RSF1: variants seen among roughly 807,000 people sequenced by gnomAD.
RSF1 encodes HBV pX-associated protein 8.
Under a neutral mutation model 145.2 loss-of-function variants are expected in RSF1, and 13 were observed. That is an observed-to-expected ratio of 0.09 (90% CI 0.06 to 0.14). RSF1 has a LOEUF of 0.14. RSF1 is among the 10% of genes least tolerant of loss of function. The probability of loss-of-function intolerance (pLI) is 1.00; values close to 1 mark genes in which losing one functional copy is unlikely to be tolerated. For synonymous variants in RSF1, 577 were observed against 592.6 expected, an observed-to-expected ratio of 0.97 and a Z score of 0.38; for missense variants, 1,517 against 1,718.2, an observed-to-expected ratio of 0.88 and a Z score of 2.07.
At chr11:77,750,660 T>C (rs979762632) in intron 2 of RSF1, among the ~76,000 whole-genome samples, 4 of 152,184 alleles carry the variant, frequency 2.6e-5, no homozygotes, top group African/African-American at 9.7e-5. Flanking sequence ...CCTAATTACA[T>C]TGGTAATTCA....
intron 1 of RSF1, among the ~76,000 whole-genome samples, chr11:77,772,547 T>G (rs565957873): frequency 6.6e-6 from 1 of 152,190 alleles, no homozygotes; most frequent in African/African-American, 2.4e-5. Flanking sequence ...ACAACTATTA[T>G]ATTACTAAAA....
intron 9 of RSF1, among the ~76,000 whole-genome samples, chr11:77,690,698 G>A (rs1453263100): frequency 6.6e-6 from 1 of 152,166 alleles, no homozygotes; most frequent in Non-Finnish European, 1.5e-5. Context: ...GATTACAGGC[G>A]GGAGCCACCA....
chr11:77,662,256 G>A lies in RSF1; in HGVS notation c.*4661C>T, dbSNP rs185836062. ...CTTCACTAACTGAAACCATTATGATGTGCCAGAATTGGGTTTACTGAATTT... is the reference window on the plus strand; with the variant it reads ...CTTCACTAACTGAAACCATTATGATATGCCAGAATTGGGTTTACTGAATTT... On this transcript the variant is annotated 3_prime_UTR_variant, in exon 16 of 16. Coordinates refer to ENST00000308488, the MANE Select transcript of RSF1 (RefSeq NM_016578.4). 1.3e-5 allele frequency: 2 copies of A among 151,988 alleles called. No individual in the cohort carries two copies. The highest frequency in any genetic ancestry group is 1.3e-4 in the Admixed American group (2 of 15,240). 9.4% of individuals were successfully genotyped at this position (151,988 alleles called of 1,614,324 possible).
the RSF1 span, chr11:77,866,417 T>C: frequency 1.3e-5 from 2 of 152,220 alleles, no homozygotes; most frequent in African/African-American, 4.8e-5. Flanking sequence ...GAATTGCTAG[T>C]GGCAGGTTGA....
intron 11 of RSF1, among the ~76,000 whole-genome samples, chr11:77,679,368 A>G (rs1565145904): frequency 6.6e-6 from 1 of 152,238 alleles, no homozygotes; most frequent in Non-Finnish European, 1.5e-5. Flanking sequence ...AGTTCCATAA[A>G]TACTATTAAG....
intron 1 of RSF1, among the ~76,000 whole-genome samples, chr11:77,776,471 T>C (rs1948343743): frequency 6.6e-6 from 1 of 152,200 alleles, no homozygotes; most frequent in Non-Finnish European, 1.5e-5. Context: ...CAGAGGTACC[T>C]AGATGAGTAG....
the RSF1 span, chr11:77,841,138 C>G: frequency 1.4e-6 from 1 of 696,438 alleles, no homozygotes; most frequent in South Asian, 1.5e-5. Flanking sequence ...CCATACTTGT[C>G]CTTTTATAAT....
the RSF1 span, among the ~76,000 whole-genome samples, chr11:77,845,241 C>T: frequency 2.0e-5 from 3 of 152,026 alleles, no homozygotes; most frequent in Non-Finnish European, 2.9e-5. Flanking sequence ...TATTGATAGG[C>T]GTTAGGGTGT....
chr11:77,744,853 T>C (rs1036532282), intron 3 of RSF1, among the ~76,000 whole-genome samples: 3 of 152,254 alleles, frequency 2.0e-5, no homozygotes, highest in Admixed American at 2.0e-4. Flanking sequence ...TTCAGCTTTT[T>C]AGAAGACATT....
upstream of RSF1, chr11:77,821,170 G>A (rs1395563936): frequency 2.7e-6 from 1 of 374,118 alleles, no homozygotes; most frequent in Non-Finnish European, 4.8e-6. Flanking sequence ...TCCCGAAGCA[G>A]CGCTGGGAGC....
chr11:77,841,239 T>C, the RSF1 span: 1 of 702,436 alleles, frequency 1.4e-6, no homozygotes, highest in East Asian at 2.7e-5. Flanking sequence ...CACCTCTTAA[T>C]GTTGTTATAA....
chr11:77,779,742 C>G (rs1393294149), intron 1 of RSF1, among the ~76,000 whole-genome samples: 1 of 152,286 alleles, frequency 6.6e-6, no homozygotes, highest in African/African-American at 2.4e-5. Context: ...AAGATTTGTT[C>G]AGGTAACAGA....
rs905478351 is a variant in RSF1 at position 77,814,548 on chromosome 11, C to T, written c.187+5980G>A. ...GCAACCTCTGCCTCCCAGGTTCAAG[C>T]GATTCTCCTGCCTCGGTCTCCCGAG... On this transcript the variant is annotated intron_variant, in intron 1 of 15. Coordinates refer to ENST00000308488, the MANE Select transcript of RSF1 (RefSeq NM_016578.4). Among the ~76,000 whole-genome samples, 4 of 152,202 alleles carry T rather than the reference C, an allele frequency of 2.6e-5. No homozygotes were observed. In the East Asian group the frequency reaches 5.8e-4, roughly 22 times the overall value.
intron 1 of RSF1, among the ~76,000 whole-genome samples, chr11:77,772,309 A>C (rs1017089195): frequency 6.6e-6 from 1 of 152,008 alleles, no homozygotes; most frequent in Admixed American, 6.6e-5. Context: ...AGTTGAGATT[A>C]TAAGTAGGCA....
At chr11:77,793,706 T>C (rs1424507479) in intron 1 of RSF1, among the ~76,000 whole-genome samples, 1 of 152,178 alleles carries the variant, frequency 6.6e-6, no homozygotes, top group Non-Finnish European at 1.5e-5. Flanking sequence ...ATTCAGTTGA[T>C]CTGGCTGGCT....
rs555259063 is a variant in RSF1, at chr11:77,755,605, A to G, written c.280-8477T>C. 6.0e-5 allele frequency among the ~76,000 whole-genome samples: 9 copies of G among 150,652 alleles called. No individual in the cohort carries two copies. In the East Asian group the frequency reaches 1.6e-3, roughly 26 times the overall value. ...GAAGATTTTTTTTTTTTTGAGATAG[A>G]GTCTTGCTCTGTTGCCCAGGCTGGA... On this transcript the variant is annotated intron_variant, in intron 2 of 15. Transcript: ENST00000308488.
the RSF1 span, among the ~76,000 whole-genome samples, chr11:77,852,789 C>T: frequency 6.6e-6 from 1 of 151,944 alleles, no homozygotes; most frequent in African/African-American, 2.4e-5. Flanking sequence ...TTTCCATACG[C>T]AAAAGGTAGC....
At chr11:77,698,770 G>T (rs1288639854) in intron 6 of RSF1, 77 bp from the exon 7 acceptor site, 5 of 1,228,684 alleles carry the variant, frequency 4.1e-6, no homozygotes, top group Non-Finnish European at 3.5e-6. Flanking sequence ...CATGTCCATT[G>T]TATAATAATA....
chr11:77,720,133 G>A (rs546553864), intron 5 of RSF1, among the ~76,000 whole-genome samples: 2 of 152,300 alleles, frequency 1.3e-5, no homozygotes, highest in Admixed American at 6.5e-5. Context: ...AAACAAAGCA[G>A]CACTGTAGAA....
Sources: allele counts gnomAD v4.1 joint callset (sites outside exome capture counted in the v4.1 genomes callset), GRCh38; gene constraint gnomAD v4.1.1; transcripts MANE v1.5; gene names NCBI Gene and HGNC (gene_info 2026-07-23, HGNC 2026-07-21).